The following PISD variants were observed in gnomAD, a reference collection of about 807,000 sequenced individuals.
The protein encoded by PISD is phosphatidylserine decarboxylase proenzyme, mitochondrial.
Under a neutral mutation model 43.5 loss-of-function variants are expected in PISD, and 31 were observed. The ratio of observed to expected loss-of-function variants is 0.71; its 90% CI spans 0.54 to 0.96. PISD has a LOEUF of 0.96. PISD is among the 40% of genes least tolerant of loss of function. The probability of loss-of-function intolerance (pLI) is 0.00; values close to 1 mark genes in which losing one functional copy is unlikely to be tolerated. For missense variants in PISD, 523 were observed against 548.4 expected, an observed-to-expected ratio of 0.95 and a Z score of 0.46; for synonymous variants, 259 against 228.7, an observed-to-expected ratio of 1.13 and a Z score of -1.20.
chr22:31,621,241 T>A, intron 5 of PISD, 93 bp downstream of exon 5: 1 of 1,609,490 alleles, frequency 6.2e-7, no homozygotes, highest in Non-Finnish European at 8.5e-7. Context: ...AGGCCCCACA[T>A]GCCAGCCTCA....
At chr22:31,622,070 T>C (rs1459837302) in intron 3 of PISD, among the ~76,000 whole-genome samples, 185 bp from the exon 4 acceptor site, 2 of 152,256 alleles carry the variant, frequency 1.3e-5, no homozygotes, top group East Asian at 3.8e-4. Context: ...AGACTGCACC[T>C]GCCACACGGA....
chr22:31,635,325 CAG>C (rs1356353706), intron 3 of PISD, among the ~76,000 whole-genome samples: 3 of 151,972 alleles, frequency 2.0e-5, no homozygotes, highest in Admixed American at 6.6e-5. Context: ...TTTTTGGAGA[CAG>C]AGTCTGACTC....
In PISD at chr22:31,648,192, T is replaced by C. The variant is rs1337241760; in HGVS notation, c.230A>G (p.Tyr77Cys). Residue 77 changes from tyrosine to cysteine, a missense_variant, in exon 3 of 8, where the codon TAT (tyrosine) becomes TGT (cysteine). By Grantham distance (194) the Tyr-to-Cys change is radical (BLOSUM62 -2). Coordinates refer to ENST00000439502, the MANE Select transcript of PISD (RefSeq NM_001326411.2). ...CTTCTCATACTGCCGGTACCCTGCA[T>C]ACCCGCCGCCTGTCACCAACAGAAT... ...LPILLVTGGG[Y>C]AGYRQYEKYR... 4 of 1,612,474 alleles carry C rather than the reference T, an allele frequency of 2.5e-6. No individual in the cohort carries two copies. The highest frequency in any genetic ancestry group is 2.2e-5 in the East Asian group (1 of 44,872).
intron 3 of PISD, chr22:31,628,260 C>T (rs2073015315): frequency 1.1e-6 from 1 of 889,926 alleles, no homozygotes; most frequent in Non-Finnish European, 1.3e-6. Context: ...TTCTTGCTTC[C>T]CAAGGCCAAG....
intron 3 of PISD, among the ~76,000 whole-genome samples, chr22:31,637,158 AAAAAAAATATATATATAT>A (rs1437334910): frequency 0.018 from 604 of 33,982 alleles, 10 homozygotes; most frequent in Middle Eastern, 0.029. Flanking sequence ...AAAAAAAAAA[AAAAAAAATATATATATAT>A]ATATATATAT....
At chr22:31,640,136 A>G (rs949800437) in intron 3 of PISD, among the ~76,000 whole-genome samples, 3 of 151,936 alleles carry the variant, frequency 2.0e-5, no homozygotes, top group African/African-American at 7.3e-5. Flanking sequence ...ACTAAAAGGA[A>G]CACTCTGGGT....
chr22:31,655,316 C>CT lies in PISD; in HGVS notation c.66-4539dup, dbSNP rs58895520. ...CATCCAGCCACTCAGGTACAACCCC[C>CT]TTTTTTTTTTTTTCCCAGAGATGGG... On this transcript the variant is annotated intron_variant, in intron 1 of 7. Coordinates refer to ENST00000439502, the MANE Select transcript of PISD (RefSeq NM_001326411.2). Among the ~76,000 whole-genome samples, 259 of 144,994 alleles carry CT rather than the reference C, an allele frequency of 1.8e-3. 2 individuals are homozygous for CT. Among genetic ancestry groups the CT allele is most frequent in the Middle Eastern group, 3.7e-3 (1 of 270 alleles).
chr22:31,635,749 A>T (rs1218869078), intron 3 of PISD, among the ~76,000 whole-genome samples: 2 of 152,158 alleles, frequency 1.3e-5, no homozygotes, highest in African/African-American at 4.8e-5. Context: ...CTCCTGCCCT[A>T]GAGTGAGCCC....
At chr22:31,628,889 G>A (rs990391176) in intron 3 of PISD, 6 of 985,200 alleles carry the variant, frequency 6.1e-6, no homozygotes, top group Non-Finnish European at 6.0e-6. Flanking sequence ...ACTCCGGTGG[G>A]GGCAGGGGTT....
At chr22:31,642,349 G>T (rs535758086) in intron 3 of PISD, among the ~76,000 whole-genome samples, 1 of 151,244 alleles carries the variant, frequency 6.6e-6, no homozygotes, top group Non-Finnish European at 1.5e-5. Context: ...CAGCTACTTG[G>T]GAGGCTGAGG....
chr22:31,648,718 A>G (rs948075251), intron 2 of PISD, among the ~76,000 whole-genome samples: 1 of 151,736 alleles, frequency 6.6e-6, no homozygotes, highest in Non-Finnish European at 1.5e-5. Flanking sequence ...CCCTCAACAT[A>G]TCTAGCAGGC....
chr22:31,639,561 C>G (rs2073627299), intron 3 of PISD, among the ~76,000 whole-genome samples: 2 of 152,026 alleles, frequency 1.3e-5, no homozygotes, highest in South Asian at 4.2e-4. Flanking sequence ...TGTTTTGTAA[C>G]CAAAAATTTG....
At chr22:31,653,656 TA>T (rs1212488930) in intron 1 of PISD, among the ~76,000 whole-genome samples, 2 of 152,110 alleles carry the variant, frequency 1.3e-5, no homozygotes, top group Non-Finnish European at 2.9e-5. Context: ...CAGATTTAGG[TA>T]CTTCCCTTTT....
intron 1 of PISD, among the ~76,000 whole-genome samples, chr22:31,650,988 G>C (rs1434087431): frequency 6.6e-6 from 1 of 152,124 alleles, no homozygotes; most frequent in Non-Finnish European, 1.5e-5. Context: ...TCTTGAGACA[G>C]AGACTTGCTC....
At chr22:31,637,164 AATATATATATATATAT>A (rs61010566) in intron 3 of PISD, among the ~76,000 whole-genome samples, 23 of 13,632 alleles carry the variant, frequency 1.7e-3, no homozygotes, top group South Asian at 3.1e-3. Context: ...AAAAAAAAAA[AATATATATATATATAT>A]ATATATATAT....
intron 3 of PISD, among the ~76,000 whole-genome samples, chr22:31,645,928 T>A: frequency 6.7e-6 from 1 of 148,884 alleles, no homozygotes; most frequent in South Asian, 2.2e-4. Flanking sequence ...CAGACTTGGG[T>A]CACATCCCCA....
chr22:31,658,246 T>C (rs981432058), intron 1 of PISD, among the ~76,000 whole-genome samples: 11 of 152,170 alleles, frequency 7.2e-5, no homozygotes, highest in African/African-American at 2.4e-4. Context: ...AAGCCCACAA[T>C]TGAGCACTCC....
chr22:31,648,574 G>T (rs1569491482), intron 2 of PISD, among the ~76,000 whole-genome samples: 1 of 151,810 alleles, frequency 6.6e-6, no homozygotes, highest in Non-Finnish European at 1.5e-5. Context: ...GGAGGCTGAG[G>T]CAGAATGGCG....
chr22:31,621,432 A>C lies in PISD; in HGVS notation c.599T>G (p.Val200Gly). 6.2e-7 allele frequency: 1 copy of C among 1,614,044 alleles called. No individual in the cohort carries two copies. The highest frequency in any genetic ancestry group is 1.1e-5 in the South Asian group (1 of 91,082). Reference protein sequence around the residue: ...SDGRILNFGQVKNCEVEQVKG... With the variant: ...SDGRILNFGQGKNCEVEQVKG... ...TACCTGCTCCACCTCACAGTTCTTC[A>C]CCTGCCCAAAGTTGAGGATCCTTCC... The change falls in exon 5 of 8, where the codon GTG becomes GGG. Residue 200 changes from valine to glycine, a missense_variant. Transcript: ENST00000439502.
Sources: gnomAD v4.1 joint callset for allele counts (sites outside exome capture counted in the v4.1 genomes callset) on GRCh38, gnomAD v4.1.1 for gene constraint, MANE v1.5 for transcripts, NCBI Gene and HGNC (gene_info 2026-07-23, HGNC 2026-07-21) for gene names.